The following ARHGEF3 variants were observed in gnomAD, a reference collection of about 807,000 sequenced individuals.
ARHGEF3 encodes Rho guanine nucleotide exchange factor 3, also known as 59.8 kDA protein.
Under a neutral mutation model 63.2 loss-of-function variants are expected in ARHGEF3, and 28 were observed. That is an observed-to-expected ratio of 0.44 (90% CI 0.33 to 0.61). ARHGEF3 has a LOEUF of 0.61. ARHGEF3 is among the 20% of genes least tolerant of loss of function. The pLI is 0.03. For synonymous variants in ARHGEF3, 266 were observed against 254.2 expected, an observed-to-expected ratio of 1.05 and a Z score of -0.44; for missense variants, 533 against 659.3, an observed-to-expected ratio of 0.81 and a Z score of 2.10.
intron 3 of ARHGEF3, among the ~76,000 whole-genome samples, chr3:56,952,143 C>G (rs1396841926): frequency 6.6e-6 from 1 of 151,934 alleles, no homozygotes; most frequent in Non-Finnish European, 1.5e-5. Context: ...CTGAGTGGGC[C>G]TAATTTAGTC....
chr3:56,877,846 G>A (rs140148558), intron 4 of ARHGEF3, among the ~76,000 whole-genome samples: 94 of 152,060 alleles, frequency 6.2e-4, no homozygotes, highest in African/African-American at 2.2e-3. Context: ...TGTTTAGGGC[G>A]TATTTCTTCA....
intron 2 of ARHGEF3, among the ~76,000 whole-genome samples, chr3:56,968,393 G>A (rs918280841): frequency 3.2e-5 from 4 of 124,626 alleles, no homozygotes; most frequent in South Asian, 2.4e-4. Flanking sequence ...GGCTGGAAAT[G>A]TAGTGGCGTG....
At chr3:56,918,058 G>A (rs1262671689) in intron 3 of ARHGEF3, among the ~76,000 whole-genome samples, 1 of 152,204 alleles carries the variant, frequency 6.6e-6, no homozygotes, top group Non-Finnish European at 1.5e-5. Flanking sequence ...TTAAGTGGTG[G>A]CTGGTGGAGG....
chr3:57,055,552 T>A (rs778140766), intron 1 of ARHGEF3, among the ~76,000 whole-genome samples: 2 of 152,218 alleles, frequency 1.3e-5, no homozygotes, highest in Non-Finnish European at 2.9e-5. Flanking sequence ...GAAACTCCAT[T>A]GATTTGCCTT....
At chr3:56,973,119 C>T (rs1244147946) in intron 2 of ARHGEF3, among the ~76,000 whole-genome samples, 1 of 151,890 alleles carries the variant, frequency 6.6e-6, no homozygotes, top group Non-Finnish European at 1.5e-5. Flanking sequence ...CGGGTTCACA[C>T]CATTCTCCTG....
At chr3:56,941,309 G>A (rs916852434) in intron 3 of ARHGEF3, among the ~76,000 whole-genome samples, 8 of 152,196 alleles carry the variant, frequency 5.3e-5, no homozygotes, top group African/African-American at 1.4e-4. Context: ...CTGGGTTCAA[G>A]CAATTCTCCT....
chr3:57,050,965 G>A (rs898039387), intron 1 of ARHGEF3, among the ~76,000 whole-genome samples: 2 of 152,194 alleles, frequency 1.3e-5, no homozygotes, highest in African/African-American at 4.8e-5. Context: ...AATGAATTAT[G>A]GCAGACAAGT....
chr3:56,948,457 A>C (rs1207886825), intron 3 of ARHGEF3, among the ~76,000 whole-genome samples: 1 of 152,242 alleles, frequency 6.6e-6, no homozygotes, highest in Non-Finnish European at 1.5e-5. Context: ...ATCACCACCG[A>C]TCCCACAGAA....
chr3:56,949,850 T>C (rs1699712495), intron 3 of ARHGEF3, among the ~76,000 whole-genome samples: 1 of 152,054 alleles, frequency 6.6e-6, no homozygotes, highest in East Asian at 1.9e-4. Flanking sequence ...AGAACAAAGC[T>C]GGAGGCATCA....
chr3:56,876,681 C>CAA (rs57550315), intron 4 of ARHGEF3, among the ~76,000 whole-genome samples: 1 of 146,930 alleles, frequency 6.8e-6, no homozygotes, highest in African/African-American at 2.5e-5. Flanking sequence ...ATCAGCAAAA[C>CAA]AAAAAAAAAA....
intron 2 of ARHGEF3, among the ~76,000 whole-genome samples, chr3:56,769,041 T>C (rs895985795): frequency 5.3e-5 from 8 of 152,208 alleles, no homozygotes; most frequent in African/African-American, 1.9e-4. Flanking sequence ...ATGGATTGTT[T>C]TGGAGTTGGA....
At chr3:56,755,813 C>G (rs1210652361) in intron 2 of ARHGEF3, among the ~76,000 whole-genome samples, 1 of 152,202 alleles carries the variant, frequency 6.6e-6, no homozygotes, top group Non-Finnish European at 1.5e-5. Flanking sequence ...AAGCATCTGT[C>G]TGCTACAGGA....
intron 2 of ARHGEF3, among the ~76,000 whole-genome samples, chr3:57,004,821 A>G (rs1702407176): frequency 6.6e-6 from 1 of 152,172 alleles, no homozygotes; most frequent in Non-Finnish European, 1.5e-5. Context: ...TTAGCCAGGC[A>G]TGGTGCTATA....
chr3:57,014,937 G>A (rs987254068), intron 2 of ARHGEF3, among the ~76,000 whole-genome samples: 3 of 151,732 alleles, frequency 2.0e-5, no homozygotes, highest in Non-Finnish European at 2.9e-5. Flanking sequence ...CTCCCGCCTC[G>A]GCCTCCCAAA....
At chr3:56,795,448 T>C (rs183508771) in intron 1 of ARHGEF3, among the ~76,000 whole-genome samples, 3 of 152,296 alleles carry the variant, frequency 2.0e-5, no homozygotes, top group East Asian at 1.9e-4. Flanking sequence ...GAAAAAAGTC[T>C]AGTGAACTTA....
chr3:56,800,405 C>A (rs1267200315), intron 1 of ARHGEF3, among the ~76,000 whole-genome samples: 1 of 152,204 alleles, frequency 6.6e-6, no homozygotes, highest in Non-Finnish European at 1.5e-5. Flanking sequence ...ACTTTCACAG[C>A]TGCTGGCAAC....
In ARHGEF3 at chr3:56,968,314, A is replaced by C. The variant is rs367650057; in HGVS notation, c.63-9425T>G. The stretch of plus-strand genomic sequence containing the variant: ...TATATATAATATATAATATATATAA[A>C]ATATATTTTATATATATATAATATA... On this transcript the variant is annotated intron_variant, in intron 2 of 12. Transcript: ENST00000338458. Among the ~76,000 whole-genome samples, 21 of 59,408 alleles carry C rather than the reference A, an allele frequency of 3.5e-4. 2 individuals carry two copies. The highest frequency in any genetic ancestry group is 1.2e-3 in the African/African-American group (20 of 16,482). 39.0% of individuals were successfully genotyped at this position (59,408 alleles called of 152,430 possible).
chr3:56,863,792 C>T (rs1007678064), intron 4 of ARHGEF3, among the ~76,000 whole-genome samples: 1 of 152,032 alleles, frequency 6.6e-6, no homozygotes, highest in African/African-American at 2.4e-5. Flanking sequence ...ACATCATGAA[C>T]CTAGGGAATT....
chr3:56,906,064 C>A (rs902709039), intron 3 of ARHGEF3, among the ~76,000 whole-genome samples: 4 of 152,056 alleles, frequency 2.6e-5, no homozygotes, highest in African/African-American at 9.7e-5. Flanking sequence ...CGGGTTTCAT[C>A]ATGTTGGGCA....
Sources: gnomAD v4.1 joint callset for allele counts (sites outside exome capture counted in the v4.1 genomes callset) on GRCh38, gnomAD v4.1.1 for gene constraint, MANE v1.5 for transcripts, NCBI Gene and HGNC (gene_info 2026-07-23, HGNC 2026-07-21) for gene names.